Variants in SOX5 observed in about 807,000 individuals in gnomAD.
SOX5 encodes the protein transcription factor SOX-5.
In SOX5, 9 loss-of-function variants were observed where a neutral mutation model predicts 92.0. The ratio of observed to expected loss-of-function variants is 0.10; its 90% CI spans 0.06 to 0.17. SOX5 has a LOEUF of 0.17. SOX5 is among the 10% of genes least tolerant of loss of function. The pLI is 1.00. For synonymous variants in SOX5, 344 were observed against 336.3 expected (o/e 1.02, Z -0.25); for missense variants, 642 against 944.5 (o/e 0.68, Z 4.20).
intron 2 of SOX5, among the ~76,000 whole-genome samples, chr12:23,894,289 G>A (rs2097156616): frequency 6.6e-6 from 1 of 152,070 alleles, no homozygotes; most frequent in Admixed American, 6.5e-5. Context: ...GTGTAGTGGT[G>A]CGATCTCGGC....
chr12:23,968,871 A>G (rs1427243604), intron 4 of SOX5, among the ~76,000 whole-genome samples: 1 of 151,962 alleles, frequency 6.6e-6, no homozygotes, highest in Non-Finnish European at 1.5e-5. Flanking sequence ...TTGGTCTGAG[A>G]TTTCTCACTT....
chr12:24,456,413 A>G (rs1224201996), intron 1 of SOX5, among the ~76,000 whole-genome samples: 1 of 152,194 alleles, frequency 6.6e-6, no homozygotes, highest in Non-Finnish European at 1.5e-5. Context: ...CCCATGTGCC[A>G]TATCATATTT....
intron 3 of SOX5, among the ~76,000 whole-genome samples, chr12:23,785,375 T>A (rs1430030866): frequency 2.0e-5 from 3 of 152,208 alleles, no homozygotes; most frequent in Admixed American, 2.0e-4. Flanking sequence ...AATGCTGAAT[T>A]GGTGTCATTT....
intron 2 of SOX5, among the ~76,000 whole-genome samples, chr12:24,334,463 A>T (rs1951672263): frequency 6.6e-6 from 1 of 152,188 alleles, no homozygotes; most frequent in South Asian, 2.1e-4. Context: ...GCTTCACTAA[A>T]AATCAAAGAA....
intron 3 of SOX5, among the ~76,000 whole-genome samples, chr12:24,217,754 C>T (rs1014026467): frequency 3.9e-5 from 6 of 152,176 alleles, no homozygotes; most frequent in African/African-American, 1.4e-4. Context: ...TGACCAGGGA[C>T]TGACTTACAT....
chr12:23,664,683 A>G (rs1263301747), intron 7 of SOX5, among the ~76,000 whole-genome samples: 2 of 152,186 alleles, frequency 1.3e-5, no homozygotes, highest in Admixed American at 1.3e-4. Context: ...AAAGTTAATA[A>G]GCAATATAAA....
chr12:23,623,655 A>G (rs975299813), intron 8 of SOX5, among the ~76,000 whole-genome samples: 1 of 152,170 alleles, frequency 6.6e-6, no homozygotes, highest in Non-Finnish European at 1.5e-5. Context: ...TCTTATTCAC[A>G]TTTCTACAAA....
intron 4 of SOX5, among the ~76,000 whole-genome samples, chr12:24,009,340 T>C (rs1035373621): frequency 1.3e-5 from 2 of 152,300 alleles, no homozygotes; most frequent in Non-Finnish European, 2.9e-5. Context: ...GTGGAAAGAA[T>C]TCAGACTAGG....
intron 4 of SOX5, among the ~76,000 whole-genome samples, chr12:23,746,304 C>T (rs925526274): frequency 3.9e-5 from 6 of 151,934 alleles, no homozygotes; most frequent in African/African-American, 1.2e-4. Flanking sequence ...CCAGAGGCCT[C>T]CCAGCAAAAA....
chr12:24,086,095 C>G (rs1943961273), intron 4 of SOX5, among the ~76,000 whole-genome samples: 1 of 151,904 alleles, frequency 6.6e-6, no homozygotes, highest in South Asian at 2.1e-4. Context: ...CAAGAGTATT[C>G]AAAATATTTT....
chr12:23,620,582 C>A (rs1382563878), intron 8 of SOX5, among the ~76,000 whole-genome samples: 1 of 151,936 alleles, frequency 6.6e-6, no homozygotes, highest in Non-Finnish European at 1.5e-5. Context: ...TGGTGGCCAA[C>A]CTCGATTTTT....
intron 1 of SOX5, among the ~76,000 whole-genome samples, chr12:24,384,939 G>A (rs988632421): frequency 3.3e-5 from 5 of 152,016 alleles, no homozygotes; most frequent in East Asian, 1.9e-4. Context: ...CATTTATCTC[G>A]CTTCATCTCA....
chr12:24,546,235 T>A (rs3112136), intron 1 of SOX5, among the ~76,000 whole-genome samples: 4 of 152,026 alleles, frequency 2.6e-5, no homozygotes, highest in Admixed American at 6.5e-5. Context: ...TGATGGAGTA[T>A]CCCTAAAATA....
At chr12:24,248,864 T>C (rs1437330004) in intron 3 of SOX5, among the ~76,000 whole-genome samples, 1 of 152,196 alleles carries the variant, frequency 6.6e-6, no homozygotes, top group African/African-American at 2.4e-5. Context: ...AGTGTTGTAA[T>C]AATCACAAAA....
At chr12:23,950,690 A>G (rs943990136), upstream of SOX5, among the ~76,000 whole-genome samples, 3 of 152,222 alleles carry the variant, frequency 2.0e-5, no homozygotes, top group African/African-American at 7.2e-5. Flanking sequence ...CCAGGCAGCC[A>G]CAGATAACAA....
intron 3 of SOX5, among the ~76,000 whole-genome samples, chr12:23,785,910 A>AT (rs1241578849): frequency 6.6e-6 from 1 of 151,976 alleles, no homozygotes; most frequent in Non-Finnish European, 1.5e-5. Flanking sequence ...TAAATTAAAA[A>AT]TTTTTTTCCT....
intron 11 of SOX5, among the ~76,000 whole-genome samples, chr12:23,547,518 A>T (rs182091978): frequency 1.8e-4 from 28 of 152,206 alleles, no homozygotes; most frequent in African/African-American, 6.5e-4. Context: ...TAAAGGGCCC[A>T]ACTAATGTTC....
At chr12:24,495,450 C>A (rs1181406716) in intron 1 of SOX5, among the ~76,000 whole-genome samples, 1 of 152,198 alleles carries the variant, frequency 6.6e-6, no homozygotes, top group Non-Finnish European at 1.5e-5. Flanking sequence ...AAGACTTATT[C>A]AGAAAAGATT....
chr12:24,341,956 C>T (rs182907659), intron 2 of SOX5, among the ~76,000 whole-genome samples: 1 of 152,174 alleles, frequency 6.6e-6, no homozygotes, highest in East Asian at 1.9e-4. Context: ...TAGTCTCCAT[C>T]TTAACTAATC....
Sources: gnomAD v4.1 joint callset for allele counts (sites outside exome capture counted in the v4.1 genomes callset) on GRCh38, gnomAD v4.1.1 for gene constraint, MANE v1.5 for transcripts, NCBI Gene and HGNC (gene_info 2026-07-23, HGNC 2026-07-21) for gene names.